Variants in SUPT6H observed in about 807,000 individuals in gnomAD.
The protein encoded by SUPT6H is transcription elongation factor SPT6.
SUPT6H carries 11 observed loss-of-function variants against 222.3 expected under a neutral mutation model. That is an observed-to-expected ratio of 0.05 (90% CI 0.03 to 0.08). SUPT6H has a LOEUF of 0.08. SUPT6H is among the 10% of genes least tolerant of loss of function. The probability of loss-of-function intolerance (pLI) is 1.00; values close to 1 mark genes in which losing one functional copy is unlikely to be tolerated. For synonymous variants in SUPT6H, 762 were observed against 801.2 expected (o/e 0.95, Z 0.83); for missense variants, 1,422 against 2,216.0 (o/e 0.64, Z 7.19).
In SUPT6H at chr17:28,683,611, C is replaced by T; in HGVS notation, c.2034-10C>T. 1 of 1,612,206 alleles carries T rather than the reference C, an allele frequency of 6.2e-7. No homozygotes were observed. Among genetic ancestry groups the T allele is most frequent in the Non-Finnish European group, 8.5e-7 (1 of 1,178,612 alleles). On this transcript the variant is annotated splice_polypyrimidine_tract_variant and intron_variant, in intron 16 of 36. Transcript: ENST00000314616. ...CATTCCTGACACCATAGCTTTGTGT[C>T]TCTTCTCAGCTATGGCAACGACCAG...
intron 28 of SUPT6H, 71 bp downstream of exon 28, chr17:28,693,907 G>A: frequency 6.3e-7 from 1 of 1,599,180 alleles, no homozygotes; most frequent in Non-Finnish European, 8.6e-7. Context: ...TTAACTTTGG[G>A]CTGTCCCCAC....
At chr17:28,699,997 A>C (rs1000923674) in intron 33 of SUPT6H, 104 bp downstream of exon 33, 37 of 1,374,296 alleles carry the variant, frequency 2.7e-5, no homozygotes, top group African/African-American at 1.1e-4. Context: ...GTAGGCTGTC[A>C]CTGCAGCTGT....
At chr17:28,684,523 T>C in intron 17 of SUPT6H, 63 bp from the exon 18 acceptor site, 4 of 1,598,790 alleles carry the variant, frequency 2.5e-6, no homozygotes, top group Non-Finnish European at 3.4e-6. Context: ...CATAGCACTC[T>C]TGGTGAGCCT....
At chr17:28,685,014 T>G (rs2031312027) in intron 19 of SUPT6H, 53 bp downstream of exon 19, 12 of 1,517,628 alleles carry the variant, frequency 7.9e-6, no homozygotes, top group Admixed American at 3.6e-5. Context: ...TGTCTTATGA[T>G]TCAGTGGAGA....
At chr17:28,690,371 A>G in intron 26 of SUPT6H, 142 bp downstream of exon 26, 2 of 1,052,284 alleles carry the variant, frequency 1.9e-6, no homozygotes, top group South Asian at 1.8e-5. Context: ...AAGACTAAAG[A>G]GTCCTGGACT....
At chr17:28,689,769 CATA>C (rs1436175630) in intron 25 of SUPT6H, among the ~76,000 whole-genome samples, 1 of 152,162 alleles carries the variant, frequency 6.6e-6, no homozygotes, top group Non-Finnish European at 1.5e-5. Flanking sequence ...AGATTGCCAC[CATA>C]ATTACAAGGG....
rs755564171 is a variant in SUPT6H at position 28,683,656 on chromosome 17, A to C, written c.2069A>C (p.Lys690Thr). Reference protein sequence around the residue: ...GNDQTYFEEIKQFYYRDEFSH... With the variant: ...GNDQTYFEEITQFYYRDEFSH... ...GACCAGACATATTTTGAGGAGATAA[A>C]ACAGTTTTACTACCGAGATGAGTTC... The change falls in exon 17 of 37, where the codon AAA becomes ACA. Residue 690 changes from lysine (K) to threonine (T), a missense_variant. This residue lies in a region of SUPT6H where 121 missense variants were observed against 158.0 expected (regional missense o/e 0.77). Coordinates refer to ENST00000314616, the MANE Select transcript of SUPT6H (RefSeq NM_003170.5). 5 of 1,613,966 alleles carry C rather than the reference A, an allele frequency of 3.1e-6. No individual in the cohort carries two copies. In the South Asian group the frequency reaches 5.5e-5, roughly 18 times the overall value.
chr17:28,694,020 G>A (rs2031791574), intron 28 of SUPT6H, among the ~76,000 whole-genome samples, 184 bp downstream of exon 28: 1 of 152,236 alleles, frequency 6.6e-6, no homozygotes, highest in Admixed American at 6.5e-5. Context: ...TGAATGAGTA[G>A]CAGCTTTTGT....
chr17:28,700,573 A>C, intron 35 of SUPT6H, 61 bp downstream of exon 35: 1 of 1,572,146 alleles, frequency 6.4e-7, no homozygotes, highest in Non-Finnish European at 8.6e-7. Context: ...GCCCTCTCGC[A>C]TTGCCCACAA....
intron 29 of SUPT6H, 133 bp from the exon 30 acceptor site, chr17:28,696,711 C>A: frequency 1.2e-6 from 1 of 800,258 alleles, no homozygotes; most frequent in Non-Finnish European, 2.1e-6. Flanking sequence ...CATGATTTGC[C>A]ACTGGCACTC....
At chr17:28,665,177 A>G (rs1049143936) in intron 1 of SUPT6H, among the ~76,000 whole-genome samples, 2 of 152,008 alleles carry the variant, frequency 1.3e-5, no homozygotes, top group African/African-American at 4.8e-5. Context: ...TGCCTTCACC[A>G]TGCTCTAGTG....
chr17:28,700,422 C>T lies in SUPT6H; in HGVS notation c.4716C>T (p.Gly1572=). The T allele has an allele frequency of 6.2e-7, 1 of 1,614,252 alleles. No individual in the cohort carries two copies. Among genetic ancestry groups the T allele is most frequent in the Non-Finnish European group, 8.5e-7 (1 of 1,180,052 alleles). ...QMFSAIAAVT[G]QGQNPNATPA... ...TCAGTGCCATTGCTGCGGTGACAGGCCAAGGACAGAACCCTAATGCCACCC... is the reference window on the plus strand; with the variant it reads ...TCAGTGCCATTGCTGCGGTGACAGGTCAAGGACAGAACCCTAATGCCACCC... The change falls in exon 35 of 37, where the codon GGC becomes GGT. Residue 1572 remains glycine, a synonymous_variant. Transcript: ENST00000314616.
Position 28,698,097 on chromosome 17 carries a change from C to A in SUPT6H, c.4448+67C>A, listed in dbSNP as rs2031999163. The A allele has an allele frequency of 2.6e-6, 4 of 1,550,786 alleles. No homozygotes were observed. In the East Asian group the frequency reaches 9.1e-5, roughly 35 times the overall value. ...AGGCAGGCTAGAAGGCAGGGAGAGG[C>A]CCGGAGCAGTGCCCTCTCTGGCTCT... is the stretch of plus-strand genomic sequence containing the variant. On this transcript the variant is annotated intron_variant, in intron 32 of 36. Coordinates refer to ENST00000314616, the MANE Select transcript of SUPT6H (RefSeq NM_003170.5).
intron 1 of SUPT6H, among the ~76,000 whole-genome samples, chr17:28,670,565 T>G (rs1247069206): frequency 6.6e-6 from 1 of 152,142 alleles, no homozygotes; most frequent in Non-Finnish European, 1.5e-5. Flanking sequence ...CATATTTCTA[T>G]CTCTAGGAGA....
intron 19 of SUPT6H, 91 bp downstream of exon 19, chr17:28,685,052 T>C: frequency 8.3e-7 from 1 of 1,210,434 alleles, no homozygotes; most frequent in Non-Finnish European, 1.2e-6. Flanking sequence ...AGCAACATCC[T>C]ATGCAAGACT....
chr17:28,667,377 A>C (rs1471003640), intron 1 of SUPT6H, among the ~76,000 whole-genome samples: 1 of 114,984 alleles, frequency 8.7e-6, no homozygotes, highest in African/African-American at 3.2e-5. Context: ...TCTCAAAAAA[A>C]AAAAAAAAAA....
chr17:28,669,661 G>A (rs566100877), intron 1 of SUPT6H, among the ~76,000 whole-genome samples: 5 of 152,290 alleles, frequency 3.3e-5, no homozygotes, highest in Non-Finnish European at 5.9e-5. Flanking sequence ...ATAGCCGGGC[G>A]TGGTGGCTCA....
chr17:28,680,871 T>C (rs1344279440), intron 11 of SUPT6H, among the ~76,000 whole-genome samples: 1 of 152,094 alleles, frequency 6.6e-6, no homozygotes, highest in Non-Finnish European at 1.5e-5. Flanking sequence ...ATGGTCTCTA[T>C]CTCCTGACGT....
chr17:28,682,613 C>A (rs1225455534), intron 13 of SUPT6H, 114 bp from the exon 14 acceptor site: 1 of 1,435,336 alleles, frequency 7.0e-7, no homozygotes, highest in Non-Finnish European at 9.5e-7. Context: ...AGAGCGAGAC[C>A]GTCTCAGGAA....
Sources: allele counts gnomAD v4.1 joint callset (sites outside exome capture counted in the v4.1 genomes callset), GRCh38; gene constraint gnomAD v4.1.1; regional missense constraint gnomAD v4.1.1; transcripts MANE v1.5; gene names NCBI Gene and HGNC (gene_info 2026-07-23, HGNC 2026-07-21).